CAMKMT: variants seen among roughly 807,000 people sequenced by gnomAD.
CAMKMT encodes the protein CaM KMT.
A neutral mutation model predicts 48.0 loss-of-function variants in CAMKMT; 53 were observed. The ratio of observed to expected loss-of-function variants is 1.10; its 90% CI spans 0.89 to 1.39. The LOEUF (loss-of-function observed/expected upper bound fraction) is 1.39. CAMKMT is among the 40% of genes most tolerant of loss of function. The pLI, the probability that CAMKMT is intolerant of heterozygous loss-of-function variation, is 0.00. For missense variants in CAMKMT, 428 were observed against 402.7 expected, an observed-to-expected ratio of 1.06 and a Z score of -0.54; for synonymous variants, 165 against 152.3, an observed-to-expected ratio of 1.08 and a Z score of -0.61.
chr2:44,551,253 C>G (rs1667701626), intron 3 of CAMKMT, among the ~76,000 whole-genome samples: 1 of 152,116 alleles, frequency 6.6e-6, no homozygotes, highest in Non-Finnish European at 1.5e-5. Context: ...CGTGGGCATG[C>G]CTTCTATGTC....
chr2:44,536,062 C>G (rs959901079), intron 3 of CAMKMT, among the ~76,000 whole-genome samples: 2 of 152,066 alleles, frequency 1.3e-5, no homozygotes, highest in African/African-American at 2.4e-5. Flanking sequence ...TTTCTATACA[C>G]CAATAATGAA....
At position 44,566,347 on chromosome 2, in the gene CAMKMT, T is replaced by C. The variant is rs1398988123; in HGVS notation, c.377-137936T>C. 2.0e-5 allele frequency among the ~76,000 whole-genome samples: 3 copies of C among 152,360 alleles called. No individual in the cohort carries two copies. The South Asian group carries it at 6.2e-4, about 32-fold the overall frequency. ...AGAGCTATTGTTGCTTTGGCTTTGT[T>C]CCAGAATTCTGCAGAAATCCACATG... On this transcript the variant is annotated intron_variant, in intron 3 of 10. Coordinates refer to ENST00000378494, the MANE Select transcript of CAMKMT (RefSeq NM_024766.5).
intron 3 of CAMKMT, among the ~76,000 whole-genome samples, chr2:44,398,595 T>G (rs2104438798): frequency 6.6e-6 from 1 of 151,504 alleles, no homozygotes; most frequent in African/African-American, 2.4e-5. Context: ...GAAGTGCTGA[T>G]TTTTGTAACG....
chr2:44,636,752 T>C (rs1024633350), intron 3 of CAMKMT, among the ~76,000 whole-genome samples: 3 of 152,218 alleles, frequency 2.0e-5, no homozygotes, highest in Non-Finnish European at 4.4e-5. Flanking sequence ...CAACAATACA[T>C]AAACTCATTT....
rs1036937826 is a variant in CAMKMT, at chr2:44,515,499, T to G, written c.376+125194T>G. ...ATGGAATAGGCAATTCATTCACCTG[T>G]CAGTCACAGAGATCTTACTTCTAGG... On this transcript the variant is annotated intron_variant, in intron 3 of 10. Transcript: ENST00000378494. Among the ~76,000 whole-genome samples, 5 of 152,200 alleles carry G rather than the reference T, an allele frequency of 3.3e-5. No individual in the cohort carries two copies. In the East Asian group the frequency reaches 9.6e-4, roughly 29 times the overall value.
At chr2:44,752,413 T>C (rs2104387093) in intron 8 of CAMKMT, among the ~76,000 whole-genome samples, 1 of 152,178 alleles carries the variant, frequency 6.6e-6, no homozygotes, top group African/African-American at 2.4e-5. Context: ...CTTGGCAGAG[T>C]GCTCTAGCAA....
At chr2:44,766,660 A>G (rs1680854648) in intron 10 of CAMKMT, 99 bp downstream of exon 10, 1 of 1,310,876 alleles carries the variant, frequency 7.6e-7, no homozygotes, top group Non-Finnish European at 1.1e-6. Context: ...TGATTAAAGT[A>G]CTCCTTAGAT....
chr2:44,679,553 C>A (rs1376229265), intron 3 of CAMKMT, among the ~76,000 whole-genome samples: 1 of 152,184 alleles, frequency 6.6e-6, no homozygotes, highest in African/African-American at 2.4e-5. Flanking sequence ...TAATGTTATA[C>A]CCTTGGCACG....
At chr2:44,532,959 T>A (rs553317400) in intron 3 of CAMKMT, among the ~76,000 whole-genome samples, 1 of 150,374 alleles carries the variant, frequency 6.7e-6, no homozygotes, top group Non-Finnish European at 1.5e-5. Context: ...ATTACAGGCA[T>A]GCACCACCAC....
chr2:44,700,299 GTCT>G (rs1368225569), intron 3 of CAMKMT, among the ~76,000 whole-genome samples: 1 of 152,120 alleles, frequency 6.6e-6, no homozygotes, highest in Non-Finnish European at 1.5e-5. Flanking sequence ...AGGCTGTTTT[GTCT>G]TCTTATCATT....
At chr2:44,758,322 C>G (rs1242939399) in intron 9 of CAMKMT, among the ~76,000 whole-genome samples, 1 of 152,078 alleles carries the variant, frequency 6.6e-6, no homozygotes, top group Non-Finnish European at 1.5e-5. Context: ...AAGAGAGGTC[C>G]CCAGAGAGAC....
intron 3 of CAMKMT, among the ~76,000 whole-genome samples, chr2:44,490,796 T>G (rs933527341): frequency 6.6e-6 from 1 of 152,014 alleles, no homozygotes; most frequent in Non-Finnish European, 1.5e-5. Flanking sequence ...TGCTTAAAAT[T>G]GAACAAACAG....
chr2:44,375,721 G>A (rs1679619867), intron 2 of CAMKMT, among the ~76,000 whole-genome samples: 1 of 152,048 alleles, frequency 6.6e-6, no homozygotes, highest in African/African-American at 2.4e-5. Flanking sequence ...AGAGGCCATT[G>A]CAGTCTTTAG....
At chr2:44,529,914 A>G (rs991044628) in intron 3 of CAMKMT, among the ~76,000 whole-genome samples, 3 of 152,198 alleles carry the variant, frequency 2.0e-5, no homozygotes, top group African/African-American at 7.2e-5. Flanking sequence ...TTCAAATACA[A>G]TGTTCCAGTG....
At position 44,677,500 on chromosome 2, in the gene CAMKMT, A is replaced by G. The variant is rs534065294; in HGVS notation, c.377-26783A>G. ...GAGTAGCCAGGCCACATCCAGCCAC[A>G]TTGGAGATAGGAATTCCATGTATAT... On this transcript the variant is annotated intron_variant, in intron 3 of 10. Coordinates refer to ENST00000378494, the MANE Select transcript of CAMKMT (RefSeq NM_024766.5). Among the ~76,000 whole-genome samples the G allele has an allele frequency of 2.0e-5, 3 of 152,296 alleles. No homozygotes were observed. In the East Asian group the frequency reaches 5.8e-4, roughly 29 times the overall value.
intron 9 of CAMKMT, among the ~76,000 whole-genome samples, chr2:44,755,222 A>G (rs973894868): frequency 3.9e-5 from 6 of 152,152 alleles, no homozygotes; most frequent in African/African-American, 1.4e-4. Flanking sequence ...TAGTCAGTCC[A>G]ATTCAATTGG....
intron 3 of CAMKMT, among the ~76,000 whole-genome samples, chr2:44,535,601 C>T (rs754393667): frequency 1.3e-5 from 2 of 152,134 alleles, no homozygotes; most frequent in Admixed American, 6.5e-5. Context: ...AATCAACAAA[C>T]GTGATTCATC....
chr2:44,533,167 T>G (rs1666583042), intron 3 of CAMKMT, among the ~76,000 whole-genome samples: 1 of 152,064 alleles, frequency 6.6e-6, no homozygotes, highest in Non-Finnish European at 1.5e-5. Flanking sequence ...AAATACAACT[T>G]TAAGATGGCA....
intron 3 of CAMKMT, among the ~76,000 whole-genome samples, chr2:44,513,212 G>A (rs1346894765): frequency 2.6e-5 from 4 of 151,782 alleles, no homozygotes; most frequent in South Asian, 2.1e-4. Context: ...CCACTGACAG[G>A]CCCCTTCCTG....
Sources: gnomAD v4.1 joint callset for allele counts (sites outside exome capture counted in the v4.1 genomes callset) on GRCh38, gnomAD v4.1.1 for gene constraint, MANE v1.5 for transcripts, NCBI Gene and HGNC (gene_info 2026-07-23, HGNC 2026-07-21) for gene names.